The following TMEM65 variants were observed in gnomAD, a reference collection of about 807,000 sequenced individuals.
The protein encoded by TMEM65 is transmembrane protein 65.
Under a neutral mutation model 25.4 loss-of-function variants are expected in TMEM65, and 22 were observed. The observed-to-expected ratio is 0.86, with a 90% CI of 0.62 to 1.23. TMEM65 has a LOEUF of 1.23. TMEM65 is among the 50% of genes most tolerant of loss of function. The pLI is 0.00. For synonymous variants in TMEM65, 132 were observed against 126.2 expected, an observed-to-expected ratio of 1.05 and a Z score of -0.31; for missense variants, 262 against 308.2, an observed-to-expected ratio of 0.85 and a Z score of 1.12.
At chr8:124,330,263 G>A (rs1338401775) in intron 2 of TMEM65, among the ~76,000 whole-genome samples, 2 of 151,672 alleles carry the variant, frequency 1.3e-5, no homozygotes, top group Admixed American at 6.6e-5. Flanking sequence ...TATCATAATA[G>A]AGAAAAGAAA....
At chr8:124,363,903 C>T (rs2131230204) in intron 1 of TMEM65, among the ~76,000 whole-genome samples, 1 of 146,348 alleles carries the variant, frequency 6.8e-6, no homozygotes, top group South Asian at 2.2e-4. Context: ...TTCTTCCCCA[C>T]TTAGCCAGTA....
At chr8:124,323,278 A>T in intron 4 of TMEM65, 43 bp downstream of exon 4, 2 of 1,100,966 alleles carry the variant, frequency 1.8e-6, no homozygotes, top group South Asian at 2.9e-5. Flanking sequence ...GAAATGTTTT[A>T]TAAGTGTACA....
chr8:124,363,914 G>A (rs939872172), intron 1 of TMEM65, among the ~76,000 whole-genome samples: 1 of 147,746 alleles, frequency 6.8e-6, no homozygotes, highest in Non-Finnish European at 1.5e-5. Flanking sequence ...TTAGCCAGTA[G>A]GTAATCTAGA....
intron 1 of TMEM65, among the ~76,000 whole-genome samples, chr8:124,360,491 G>A (rs1814845895): frequency 6.6e-6 from 1 of 150,622 alleles, no homozygotes; most frequent in African/African-American, 2.4e-5. Flanking sequence ...GCACCAGGAA[G>A]AGAGGGAGAA....
At chr8:124,350,977 A>C (rs1266445389) in intron 1 of TMEM65, 1 of 985,116 alleles carries the variant, frequency 1.0e-6, no homozygotes, top group Non-Finnish European at 1.2e-6. Context: ...CAAACAAGCA[A>C]GAAGTTCCAT....
At chr8:124,355,135 A>C (rs1042071919) in intron 1 of TMEM65, among the ~76,000 whole-genome samples, 1 of 152,202 alleles carries the variant, frequency 6.6e-6, no homozygotes, top group African/African-American at 2.4e-5. Flanking sequence ...GGCAAAAAGA[A>C]CACATCTCTT....
rs1814154616 is a variant in TMEM65, at chr8:124,311,206, T to C, written c.*2754A>G. ...GGCTCACTCTTCACTCATACGCTGA[T>C]GTTGTATCTCAGGTGCAGATTCCAG... On this transcript the variant is annotated 3_prime_UTR_variant, in exon 7 of 7. Transcript: ENST00000297632. 1 of 152,284 alleles carries C rather than the reference T, an allele frequency of 6.6e-6. No homozygotes were observed. The highest frequency in any genetic ancestry group is 1.9e-4 in the East Asian group (1 of 5,202). The allele number at this position is 152,284 out of a possible 1,614,324, so 9.4% of individuals were successfully genotyped here.
intron 5 of TMEM65, among the ~76,000 whole-genome samples, chr8:124,321,710 T>G (rs1198231631): frequency 1.3e-5 from 2 of 152,108 alleles, no homozygotes; most frequent in Non-Finnish European, 2.9e-5. Flanking sequence ...ATGAGAGAGG[T>G]TCTTCCTTTT....
In TMEM65 at chr8:124,311,664, C is replaced by A. The variant is rs1212969276; in HGVS notation, c.*2296G>T. Reference sequence around the variant, plus strand: ...GTTATTTGTGGCAAGTAACATGAAACAATGATCATATGAAGTCATTATCTT... The same window carrying A: ...GTTATTTGTGGCAAGTAACATGAAAAAATGATCATATGAAGTCATTATCTT... On this transcript the variant is annotated 3_prime_UTR_variant, in exon 7 of 7. Transcript: ENST00000297632. 1 of 152,210 alleles carries A rather than the reference C, an allele frequency of 6.6e-6. No homozygotes were observed. Among genetic ancestry groups the A allele is most frequent in the Non-Finnish European group, 1.5e-5 (1 of 67,978 alleles). The allele number at this position is 152,210 out of a possible 1,614,324, so 9.4% of individuals were successfully genotyped here.
chr8:124,334,763 C>CAA (rs34202764), intron 1 of TMEM65, among the ~76,000 whole-genome samples: 11 of 86,000 alleles, frequency 1.3e-4, no homozygotes, highest in East Asian at 3.1e-4. Flanking sequence ...GACTCCGTCT[C>CAA]AAAAAAAAAA....
At position 124,328,101 on chromosome 8, in the gene TMEM65, A is replaced by T. The variant is rs144156931; in HGVS notation, c.350-680T>A. 2.5e-3 allele frequency among the ~76,000 whole-genome samples: 376 copies of T among 152,248 alleles called. 1 individual carries two copies. Among genetic ancestry groups the T allele is most frequent in the African/African-American group, 7.7e-3 (321 of 41,556 alleles). On this transcript the variant is annotated intron_variant, in intron 2 of 6. Coordinates refer to ENST00000297632, the MANE Select transcript of TMEM65 (RefSeq NM_194291.3). ...ACACCTTACTTCATCTATTGGGTAT[A>T]TAAATTCAATGATCTGAGATATTAG...
chr8:124,372,659 C>G lies in TMEM65; in HGVS notation c.-502G>C, dbSNP rs1563603248. The G allele has an allele frequency of 7.3e-6, 1 of 137,928 alleles. No homozygotes were observed. The highest frequency in any genetic ancestry group is 2.5e-4 in the East Asian group (1 of 4,064). The allele number at this position is 137,928 out of a possible 1,614,324, so 8.5% of individuals were successfully genotyped here. ...CCTCAAAGCAGCCGCGCTCCCGAGCCGCAGCCGCCGCCGCCGCCGCTACCC... is the reference window on the plus strand; with the variant it reads ...CCTCAAAGCAGCCGCGCTCCCGAGCGGCAGCCGCCGCCGCCGCCGCTACCC... On this transcript the variant is annotated 5_prime_UTR_variant, in exon 1 of 7. Coordinates refer to ENST00000297632, the MANE Select transcript of TMEM65 (RefSeq NM_194291.3).
intron 1 of TMEM65, among the ~76,000 whole-genome samples, chr8:124,333,464 T>TGTGC (rs1473768979): frequency 2.0e-4 from 17 of 84,676 alleles, no homozygotes; most frequent in East Asian, 1.6e-3. Flanking sequence ...TCTGTGTGTG[T>TGTGC]GTGTGCGTGT....
chr8:124,343,324 C>G (rs1814603572), intron 1 of TMEM65, among the ~76,000 whole-genome samples: 1 of 152,110 alleles, frequency 6.6e-6, no homozygotes, highest in Non-Finnish European at 1.5e-5. Flanking sequence ...GTATCTACCA[C>G]TCTTATAAAC....
chr8:124,372,647 G>C lies in TMEM65; in HGVS notation c.-490C>G, dbSNP rs1398990299. 2 of 157,648 alleles carry C rather than the reference G, an allele frequency of 1.3e-5. No homozygotes were observed. Among genetic ancestry groups the C allele is most frequent in the African/African-American group, 5.1e-5 (2 of 38,982 alleles). The allele number at this position is 157,648 out of a possible 1,614,324, so 9.8% of individuals were successfully genotyped here. On this transcript the variant is annotated 5_prime_UTR_variant, in exon 1 of 7. Coordinates refer to ENST00000297632, the MANE Select transcript of TMEM65 (RefSeq NM_194291.3). ...AGGTTCCCGAGCCCTCAAAGCAGCCGCGCTCCCGAGCCGCAGCCGCCGCCG... is the reference window on the plus strand; with the variant it reads ...AGGTTCCCGAGCCCTCAAAGCAGCCCCGCTCCCGAGCCGCAGCCGCCGCCG...
chr8:124,365,521 A>C (rs567065482), intron 1 of TMEM65, among the ~76,000 whole-genome samples: 33 of 152,334 alleles, frequency 2.2e-4, no homozygotes, highest in African/African-American at 7.9e-4. Context: ...AGGATGAATA[A>C]TGGCCCCCAA....
chr8:124,354,227 A>G (rs1814747921), intron 1 of TMEM65, among the ~76,000 whole-genome samples: 1 of 152,242 alleles, frequency 6.6e-6, no homozygotes, highest in African/African-American at 2.4e-5. Context: ...ACTGTTCCAG[A>G]TGGATGGAAA....
intron 2 of TMEM65, among the ~76,000 whole-genome samples, chr8:124,328,565 G>A (rs1814395166): frequency 6.6e-6 from 1 of 152,102 alleles, no homozygotes; most frequent in Admixed American, 6.6e-5. Flanking sequence ...ACCTGGAAAG[G>A]AAGAGAATTC....
intron 1 of TMEM65, among the ~76,000 whole-genome samples, chr8:124,338,450 C>T (rs1218346992): frequency 6.6e-6 from 1 of 151,920 alleles, no homozygotes; most frequent in Non-Finnish European, 1.5e-5. Flanking sequence ...AAATTCATCG[C>T]AGACAAAGTA....
Sources: gnomAD v4.1 joint callset for allele counts (sites outside exome capture counted in the v4.1 genomes callset) on GRCh38, gnomAD v4.1.1 for gene constraint, MANE v1.5 for transcripts, NCBI Gene and HGNC (gene_info 2026-07-23, HGNC 2026-07-21) for gene names.